The following HIVEP3 variants were observed in gnomAD, a reference collection of about 807,000 sequenced individuals.
The protein encoded by HIVEP3 is transcription factor HIVEP3.
In HIVEP3, 49 loss-of-function variants were observed where a neutral mutation model predicts 152.8. The ratio of observed to expected loss-of-function variants is 0.32; its 90% CI spans 0.26 to 0.41. HIVEP3 has a LOEUF of 0.41. Among genes scored for constraint, HIVEP3 ranks in the 10% least tolerant of loss-of-function variants. The probability of loss-of-function intolerance (pLI) is 1.00; values close to 1 mark genes in which losing one functional copy is unlikely to be tolerated. For missense variants in HIVEP3, 2,790 were observed against 3,103.3 expected (o/e 0.90, Z 2.40); for synonymous variants, 1,269 against 1,289.0 (o/e 0.98, Z 0.33).
intron 1 of HIVEP3, among the ~76,000 whole-genome samples, chr1:41,719,856 T>C (rs562870895): frequency 6.6e-6 from 1 of 152,254 alleles, no homozygotes; most frequent in East Asian, 1.9e-4. Flanking sequence ...CTTGCCTGAG[T>C]CCTATATCTG....
chr1:41,551,862 T>C (rs921048786), intron 5 of HIVEP3, among the ~76,000 whole-genome samples: 1 of 152,224 alleles, frequency 6.6e-6, no homozygotes, highest in African/African-American at 2.4e-5. Flanking sequence ...CTGAAGAGTT[T>C]TTGTGTGTCT....
intron 4 of HIVEP3, among the ~76,000 whole-genome samples, chr1:41,578,194 A>G (rs945240435): frequency 6.6e-6 from 1 of 152,224 alleles, no homozygotes; most frequent in Non-Finnish European, 1.5e-5. Flanking sequence ...AAATGGTGAT[A>G]TTGCACCCTA....
At chr1:41,972,121 T>C (rs1167921956) in intron 1 of HIVEP3, among the ~76,000 whole-genome samples, 3 of 152,262 alleles carry the variant, frequency 2.0e-5, no homozygotes, top group Non-Finnish European at 4.4e-5. Flanking sequence ...ACAGTGCCTT[T>C]GTTTTCATTC....
chr1:41,941,684 G>C lies in HIVEP3; in HGVS notation n.120-23160C>G, dbSNP rs114033217. Among the ~76,000 whole-genome samples the C allele has an allele frequency of 1.3e-3, 205 of 152,320 alleles. 1 individual carries two copies. Among genetic ancestry groups the C allele is most frequent in the African/African-American group, 4.6e-3 (191 of 41,568 alleles). ...TAGAAAATACAGAGCACCCGGTTAT[G>C]ATCTGGAATTATAAATTTAAGGCAC... On this transcript the variant is annotated intron_variant and non_coding_transcript_variant, in intron 1 of 3. Coordinates refer to the HIVEP3 transcript ENST00000489103.
At chr1:41,985,909 T>C (rs1472958923) in intron 1 of HIVEP3, among the ~76,000 whole-genome samples, 2 of 152,182 alleles carry the variant, frequency 1.3e-5, no homozygotes, top group African/African-American at 4.8e-5. Context: ...GGCTAAACAT[T>C]AAGTCTCTTC....
At chr1:41,951,080 C>T (rs1645104028) in intron 1 of HIVEP3, among the ~76,000 whole-genome samples, 1 of 152,212 alleles carries the variant, frequency 6.6e-6, no homozygotes, top group Non-Finnish European at 1.5e-5. Context: ...GTTTCTAACA[C>T]ATAGCTTTGC....
chr1:41,870,982 G>T (rs1275959761), intron 1 of HIVEP3, among the ~76,000 whole-genome samples: 1 of 152,186 alleles, frequency 6.6e-6, no homozygotes, highest in Non-Finnish European at 1.5e-5. Flanking sequence ...ATTACGACAC[G>T]TGAACTGCTT....
intron 1 of HIVEP3, among the ~76,000 whole-genome samples, chr1:41,931,436 C>A (rs1002299193): frequency 6.6e-6 from 1 of 152,014 alleles, no homozygotes; most frequent in Non-Finnish European, 1.5e-5. Context: ...GGGCTCTCAA[C>A]TCTGTTCCAC....
chr1:41,718,692 C>T (rs1192575867), intron 1 of HIVEP3, among the ~76,000 whole-genome samples: 1 of 152,150 alleles, frequency 6.6e-6, no homozygotes. Context: ...GGCACGAGTC[C>T]ATTGCCCTCC....
rs144897860 is a variant in HIVEP3 at position 41,589,226 on chromosome 1, G to A, written c.-521-3908C>T. 8.5e-4 allele frequency among the ~76,000 whole-genome samples: 129 copies of A among 152,306 alleles called. 1 individual carries two copies. In the East Asian group the frequency reaches 0.02, roughly 24 times the overall value. On this transcript the variant is annotated intron_variant, in intron 3 of 8. Transcript: ENST00000372583. ...CAACAGAGGCCTGAACCCCAGACCA[G>A]AAGAGGATGGACAGCCTCTACTGAT...
intron 3 of HIVEP3, among the ~76,000 whole-genome samples, chr1:41,609,045 G>A (rs985675998): frequency 4.6e-5 from 7 of 151,092 alleles, no homozygotes; most frequent in Non-Finnish European, 7.4e-5. Context: ...GGCAACAAGA[G>A]TGAAACTCCG....
In HIVEP3 at chr1:41,793,156, C is replaced by T. The variant is rs1257575120; in HGVS notation, c.-800-92161G>A. On this transcript the variant is annotated intron_variant, in intron 1 of 8. Coordinates refer to ENST00000372583, the MANE Select transcript of HIVEP3 (RefSeq NM_024503.5). ...GAATCACATGCCACCACAAAGACTT[C>T]GGGTTCTGGGAACTTGGGACCTCCT... Among the ~76,000 whole-genome samples, 5 of 152,226 alleles carry T rather than the reference C, an allele frequency of 3.3e-5. No homozygotes were observed. In the South Asian group the frequency reaches 6.2e-4, roughly 19 times the overall value.
chr1:41,636,678 C>T (rs1645278721), intron 2 of HIVEP3, among the ~76,000 whole-genome samples: 1 of 152,088 alleles, frequency 6.6e-6, no homozygotes, highest in Non-Finnish European at 1.5e-5. Flanking sequence ...ATAAAAATGT[C>T]TAATAAATAT....
chr1:41,720,837 C>T (rs943766496), intron 1 of HIVEP3, among the ~76,000 whole-genome samples: 6 of 152,172 alleles, frequency 3.9e-5, no homozygotes, highest in South Asian at 2.1e-4. Context: ...AAATGTGGTA[C>T]ACACATACAG....
intron 2 of HIVEP3, among the ~76,000 whole-genome samples, chr1:41,679,290 C>T (rs963727464): frequency 6.6e-6 from 1 of 152,200 alleles, no homozygotes; most frequent in Non-Finnish European, 1.5e-5. Flanking sequence ...GAAGCTGAAA[C>T]TCCCAGAGGC....
chr1:41,583,926 G>T lies in HIVEP3; in HGVS notation c.872C>A (p.Thr291Asn). Residue 291 changes from threonine (T) to asparagine (N), a missense_variant, in exon 4 of 9, where the codon ACC (threonine) becomes AAC (asparagine). Thr to Asn is a moderately conservative substitution (Grantham distance 65, BLOSUM62 0). Transcript: ENST00000372583. This position sits in a 1 kb window ranked among gnomAD's most constrained non-coding sequence, Gnocchi z 6.9. The stretch of plus-strand genomic sequence containing the variant: ...GGAGAGCTCTGCAGGGTGACCAGAG[G>T]TGGCACTAGTCTCCTCTTCAGAATC... ...STDSEEETSA[T>N]SGHPAELSPR... is the part of the protein sequence containing the mutation. The T allele has an allele frequency of 6.2e-7, 1 of 1,614,164 alleles. No individual in the cohort carries two copies. The highest frequency in any genetic ancestry group is 8.5e-7 in the Non-Finnish European group (1 of 1,180,018).
chr1:41,667,912 T>C (rs1388341909), intron 2 of HIVEP3, among the ~76,000 whole-genome samples: 4 of 152,146 alleles, frequency 2.6e-5, no homozygotes, highest in African/African-American at 9.7e-5. Context: ...GATACTATGA[T>C]GAACAAGACC....
intron 1 of HIVEP3, among the ~76,000 whole-genome samples, chr1:41,982,840 G>A (rs1645301024): frequency 6.6e-6 from 1 of 152,200 alleles, no homozygotes; most frequent in East Asian, 1.9e-4. Context: ...GTACAGAGTA[G>A]GTGCCTAATA....
intron 1 of HIVEP3, among the ~76,000 whole-genome samples, chr1:41,994,446 C>T (rs1244714823): frequency 1.3e-5 from 2 of 152,100 alleles, no homozygotes; most frequent in African/African-American, 2.4e-5. Flanking sequence ...GGAAAGGGAC[C>T]TGATGGTAGG....
Sources: gnomAD v4.1 joint callset for allele counts (sites outside exome capture counted in the v4.1 genomes callset) on GRCh38, gnomAD v4.1.1 for gene constraint, Gnocchi (gnomAD v3.1) non-coding constraint, MANE v1.5 for transcripts, NCBI Gene and HGNC (gene_info 2026-07-23, HGNC 2026-07-21) for gene names.